PHKB: variants seen among roughly 807,000 people sequenced by gnomAD.
PHKB encodes the protein phosphorylase b kinase regulatory subunit beta.
PHKB carries 122 observed loss-of-function variants against 152.1 expected under a neutral mutation model. That is an observed-to-expected ratio of 0.80 (90% CI 0.69 to 0.93). The LOEUF (loss-of-function observed/expected upper bound fraction) is 0.93. Among genes scored for constraint, PHKB ranks in the 40% least tolerant of loss-of-function variants. The pLI is 0.00. For synonymous variants in PHKB, 436 were observed against 464.9 expected, an observed-to-expected ratio of 0.94 and a Z score of 0.80; for missense variants, 1,304 against 1,328.4, an observed-to-expected ratio of 0.98 and a Z score of 0.29.
At chr16:47,487,408 A>G (rs934820572) in intron 1 of PHKB, among the ~76,000 whole-genome samples, 1 of 72,948 alleles carries the variant, frequency 1.4e-5, no homozygotes, top group Non-Finnish European at 2.7e-5. Context: ...ATTAGGTACA[A>G]GAGTTTATAT....
intron 14 of PHKB, among the ~76,000 whole-genome samples, chr16:47,624,606 C>G (rs1972676851): frequency 6.6e-6 from 1 of 152,172 alleles, no homozygotes; most frequent in African/African-American, 2.4e-5. Context: ...GCTTTTTTCC[C>G]TCTACCTTTG....
At chr16:47,512,313 G>A (rs1021346628) in intron 5 of PHKB, among the ~76,000 whole-genome samples, 11 of 152,174 alleles carry the variant, frequency 7.2e-5, no homozygotes, top group African/African-American at 2.2e-4. Flanking sequence ...CATGAAATCC[G>A]AGTGAATTCT....
chr16:47,609,466 G>C (rs964369872), intron 13 of PHKB, among the ~76,000 whole-genome samples: 1 of 151,308 alleles, frequency 6.6e-6, no homozygotes, highest in Non-Finnish European at 1.5e-5. Context: ...TTTGTGAAAG[G>C]TTGGTTTTAA....
At position 47,589,020 on chromosome 16, in the gene PHKB, G is replaced by T. The variant is rs919372100; in HGVS notation, c.986G>T (p.Gly329Val). Residue 329 changes from glycine to valine, a missense_variant, in exon 10 of 31, where the codon GGA becomes GTA. Gly to Val is a moderately radical substitution (Grantham distance 109). Coordinates refer to ENST00000323584, the MANE Select transcript of PHKB (RefSeq NM_000293.3). ...GTTAGAAAATTAAAAGGAAAATATGGATTTAAACGTTTCTTGAGAGATGGG... is the reference window on the plus strand; with the variant it reads ...GTTAGAAAATTAAAAGGAAAATATGTATTTAAACGTTTCTTGAGAGATGGG... ...KVVRKLKGKY[G>V]FKRFLRDGYR... The T allele has an allele frequency of 6.2e-7, 1 of 1,613,578 alleles. No homozygotes were observed. Among genetic ancestry groups the T allele is most frequent in the African/African-American group, 1.3e-5 (1 of 74,904 alleles).
chr16:47,611,899 A>G (rs1972435155), intron 14 of PHKB, among the ~76,000 whole-genome samples: 1 of 152,248 alleles, frequency 6.6e-6, no homozygotes, highest in Admixed American at 6.5e-5. Flanking sequence ...ATGTGATGAA[A>G]ATTTCTCACT....
At chr16:47,561,869 CTT>C (rs1462420895) in intron 7 of PHKB, 3 of 152,176 alleles carry the variant, frequency 2.0e-5, no homozygotes, top group African/African-American at 7.2e-5. Flanking sequence ...TTAGTTTCTC[CTT>C]TAGGGCTCGA....
intron 14 of PHKB, among the ~76,000 whole-genome samples, chr16:47,633,444 T>TA (rs995872591): frequency 2.4e-4 from 37 of 152,312 alleles, no homozygotes; most frequent in Admixed American, 1.2e-3. Flanking sequence ...AGACCACTCA[T>TA]ACACATTCTA....
At chr16:47,516,342 T>G (rs936353709) in intron 6 of PHKB, among the ~76,000 whole-genome samples, 7 of 152,238 alleles carry the variant, frequency 4.6e-5, no homozygotes, top group African/African-American at 1.7e-4. Context: ...TCTTCATGTT[T>G]TTCAAAAGAC....
At chr16:47,633,880 T>G (rs1180052821) in intron 14 of PHKB, among the ~76,000 whole-genome samples, 1 of 152,248 alleles carries the variant, frequency 6.6e-6, no homozygotes, top group African/African-American at 2.4e-5. Context: ...TCTCTGTCTC[T>G]TTTCTTCATG....
chr16:47,555,717 A>G (rs946056686), intron 7 of PHKB, among the ~76,000 whole-genome samples: 6 of 152,218 alleles, frequency 3.9e-5, no homozygotes, highest in Admixed American at 1.3e-4. Flanking sequence ...TGCCATTAAA[A>G]TGTAAGATCA....
chr16:47,483,381 A>G (rs545760081), intron 1 of PHKB, among the ~76,000 whole-genome samples: 27 of 152,166 alleles, frequency 1.8e-4, no homozygotes, highest in Non-Finnish European at 3.8e-4. Context: ...TATATAGTGA[A>G]GTTCTTTTCC....
At chr16:47,535,091 G>A (rs1970929036) in intron 6 of PHKB, among the ~76,000 whole-genome samples, 1 of 152,150 alleles carries the variant, frequency 6.6e-6, no homozygotes, top group African/African-American at 2.4e-5. Flanking sequence ...GTAGGGCTCG[G>A]TTACACTAAA....
At chr16:47,489,510 T>C (rs1274252600) in intron 1 of PHKB, among the ~76,000 whole-genome samples, 2 of 152,194 alleles carry the variant, frequency 1.3e-5, no homozygotes, top group Non-Finnish European at 2.9e-5. Context: ...TTTAGATTGG[T>C]TTCGATGGAA....
intron 16 of PHKB, among the ~76,000 whole-genome samples, chr16:47,648,190 A>G (rs1368197589): frequency 6.6e-6 from 1 of 152,178 alleles, no homozygotes; most frequent in Non-Finnish European, 1.5e-5. Flanking sequence ...CTCGTTTTTA[A>G]AATGTTAAAC....
chr16:47,600,210 A>T (rs998140283), intron 13 of PHKB, among the ~76,000 whole-genome samples: 1 of 152,196 alleles, frequency 6.6e-6, no homozygotes, highest in Non-Finnish European at 1.5e-5. Flanking sequence ...TAAAGAAAAG[A>T]CACAGTATGC....
intron 25 of PHKB, among the ~76,000 whole-genome samples, chr16:47,667,742 A>G (rs1973564591): frequency 6.6e-6 from 1 of 152,212 alleles, no homozygotes; most frequent in African/African-American, 2.4e-5. Context: ...CTGCATATGA[A>G]CATTCAGAAG....
At position 47,654,199 on chromosome 16, in the gene PHKB, G is replaced by C. The variant is rs1973290429; in HGVS notation, c.1971+3278G>C. Reference sequence around the variant, plus strand: ...CAGACATAGACGTCAGAATAACTACGATCAATATGCTTAACTGGCCATCAG... The same window carrying C: ...CAGACATAGACGTCAGAATAACTACCATCAATATGCTTAACTGGCCATCAG... On this transcript the variant is annotated intron_variant, in intron 20 of 30. Transcript: ENST00000323584. 2.0e-5 allele frequency among the ~76,000 whole-genome samples: 3 copies of C among 152,228 alleles called. No homozygotes were observed. The South Asian group carries it at 6.2e-4, about 32-fold the overall frequency.
chr16:47,513,450 C>G (rs968556158), intron 5 of PHKB, among the ~76,000 whole-genome samples: 2 of 152,140 alleles, frequency 1.3e-5, no homozygotes, highest in African/African-American at 4.8e-5. Flanking sequence ...CTAAAAGATG[C>G]AGACTACTGC....
At chr16:47,480,373 T>G (rs550172120) in intron 1 of PHKB, among the ~76,000 whole-genome samples, 1 of 152,360 alleles carries the variant, frequency 6.6e-6, no homozygotes, top group South Asian at 2.1e-4. Context: ...TTCCAGCCTC[T>G]TTCATATTTC....
Sources: allele counts gnomAD v4.1 joint callset (sites outside exome capture counted in the v4.1 genomes callset), GRCh38; gene constraint gnomAD v4.1.1; transcripts MANE v1.5; gene names NCBI Gene and HGNC (gene_info 2026-07-23, HGNC 2026-07-21).